The following TBCK variants were observed in gnomAD, a reference collection of about 807,000 sequenced individuals.
TBCK encodes TBC domain-containing protein kinase-like protein.
TBCK carries 99 observed loss-of-function variants against 113.4 expected under a neutral mutation model. That is an observed-to-expected ratio of 0.87 (90% CI 0.74 to 1.03). TBCK has a LOEUF of 1.03. Among genes scored for constraint, TBCK ranks in the 50% least tolerant of loss-of-function variants. TBCK has a pLI of 0.00. For missense variants in TBCK, 1,045 were observed against 1,061.3 expected (o/e 0.98, Z 0.21); for synonymous variants, 369 against 370.8 (o/e 1.00, Z 0.05).
At chr4:106,229,383 A>C (rs1214962422) in intron 19 of TBCK, among the ~76,000 whole-genome samples, 1 of 152,106 alleles carries the variant, frequency 6.6e-6, no homozygotes, top group Admixed American at 6.6e-5. Context: ...TTGAGGTCTT[A>C]GATTTAAGAC....
In TBCK at chr4:106,124,479, G is replaced by A. The variant is rs575238566; in HGVS notation, c.2236-8101C>T. On this transcript the variant is annotated intron_variant, in intron 23 of 25. Coordinates refer to ENST00000394708, the MANE Select transcript of TBCK (RefSeq NM_001163435.3). ...GGATCTAGAACTAGAAATACCATTT[G>A]ACCCAGCCATCCCATTACTGGGTAT... 2.6e-4 allele frequency among the ~76,000 whole-genome samples: 39 copies of A among 152,248 alleles called. No homozygotes were observed. In the South Asian group the frequency reaches 7.9e-3, roughly 31 times the overall value.
chr4:106,274,448 T>C (rs943436069), intron 3 of TBCK, among the ~76,000 whole-genome samples: 4 of 152,002 alleles, frequency 2.6e-5, no homozygotes, highest in African/African-American at 9.7e-5. Context: ...AACCCATAAA[T>C]GAATAAACAA....
chr4:106,231,527 G>A (rs1456675531), intron 18 of TBCK, among the ~76,000 whole-genome samples: 1 of 151,632 alleles, frequency 6.6e-6, no homozygotes, highest in Non-Finnish European at 1.5e-5. Flanking sequence ...TAAATTTCTA[G>A]TAATAGCTTT....
At chr4:106,270,606 G>A (rs1203517402) in intron 3 of TBCK, among the ~76,000 whole-genome samples, 3 of 152,086 alleles carry the variant, frequency 2.0e-5, no homozygotes, top group Non-Finnish European at 2.9e-5. Flanking sequence ...GTGAAAAAAA[G>A]AGAAACAAAT....
At chr4:106,215,018 C>T (rs967387911) in intron 19 of TBCK, among the ~76,000 whole-genome samples, 103 of 150,714 alleles carry the variant, frequency 6.8e-4, no homozygotes, top group African/African-American at 2.0e-3. Context: ...GCGGATCTCT[C>T]GGCAGAAACC....
chr4:106,146,187 A>C (rs951365998), intron 23 of TBCK, among the ~76,000 whole-genome samples: 1 of 152,116 alleles, frequency 6.6e-6, no homozygotes, highest in African/African-American at 2.4e-5. Flanking sequence ...AATGTGGTAC[A>C]TATACATATA....
At chr4:106,290,330 A>G (rs1419554030) in intron 3 of TBCK, among the ~76,000 whole-genome samples, 1 of 151,998 alleles carries the variant, frequency 6.6e-6, no homozygotes, top group Non-Finnish European at 1.5e-5. Flanking sequence ...GGCGCCTGCC[A>G]CCACGCCTGG....
chr4:106,241,221 A>T (rs953029273), intron 12 of TBCK, among the ~76,000 whole-genome samples: 1 of 151,950 alleles, frequency 6.6e-6, no homozygotes, highest in African/African-American at 2.4e-5. Context: ...TGATATACAG[A>T]CATTAAAAAT....
chr4:106,294,767 C>T (rs1164576037), intron 3 of TBCK, among the ~76,000 whole-genome samples: 3 of 152,014 alleles, frequency 2.0e-5, no homozygotes, highest in African/African-American at 7.2e-5. Context: ...AGGCGTGAGC[C>T]ACCACGCCTG....
At chr4:106,066,887 A>G (rs1033109839) in intron 25 of TBCK, among the ~76,000 whole-genome samples, 3 of 151,948 alleles carry the variant, frequency 2.0e-5, no homozygotes, top group African/African-American at 7.3e-5. Flanking sequence ...ATTACACTGT[A>G]TATACTACCT....
chr4:106,218,915 G>A (rs1279062674), intron 19 of TBCK, among the ~76,000 whole-genome samples: 1 of 151,352 alleles, frequency 6.6e-6, no homozygotes, highest in African/African-American at 2.4e-5. Flanking sequence ...AAAGACACAT[G>A]CACACATATG....
chr4:106,259,855 T>C (rs1370697424), intron 5 of TBCK, among the ~76,000 whole-genome samples: 1 of 151,926 alleles, frequency 6.6e-6, no homozygotes, highest in Non-Finnish European at 1.5e-5. Flanking sequence ...TACTTGAATA[T>C]GCATGAAACA....
intron 22 of TBCK, among the ~76,000 whole-genome samples, chr4:106,175,034 C>T (rs770942368): frequency 3.3e-5 from 5 of 150,922 alleles, no homozygotes; most frequent in African/African-American, 4.9e-5. Flanking sequence ...GGCTGAGACA[C>T]GAGAATTGCT....
At chr4:106,134,076 G>A (rs1746283559) in intron 23 of TBCK, among the ~76,000 whole-genome samples, 1 of 151,908 alleles carries the variant, frequency 6.6e-6, no homozygotes, top group Non-Finnish European at 1.5e-5. Flanking sequence ...GGTAAGGCAG[G>A]TAACATCTTT....
chr4:106,084,226 T>C (rs961515220), intron 25 of TBCK, among the ~76,000 whole-genome samples: 2 of 152,008 alleles, frequency 1.3e-5, no homozygotes, highest in Admixed American at 6.6e-5. Flanking sequence ...GAATAACTAG[T>C]GTAGAGAGGA....
In TBCK at chr4:106,089,992, C is replaced by T. The variant is rs545168852; in HGVS notation, c.2571+5490G>A. 1.3e-4 allele frequency among the ~76,000 whole-genome samples: 20 copies of T among 152,332 alleles called. No individual in the cohort carries two copies. In the South Asian group the frequency reaches 4.1e-3, roughly 32 times the overall value. The stretch of plus-strand genomic sequence containing the variant: ...GGGTGGCATCCCACTTCCCAAAGCT[C>T]CACTAGCCGGTTCCCTGGTGGGGAC... On this transcript the variant is annotated intron_variant, in intron 25 of 25. Coordinates refer to ENST00000394708, the MANE Select transcript of TBCK (RefSeq NM_001163435.3).
intron 22 of TBCK, among the ~76,000 whole-genome samples, chr4:106,189,342 C>CAAAAAAAA (rs1189938399): frequency 1.2e-4 from 7 of 59,462 alleles, no homozygotes; most frequent in Admixed American, 4.0e-4. Context: ...GACTCCATCT[C>CAAAAAAAA]AAAAAAAAAA....
At chr4:106,288,194 G>A (rs1331682247) in intron 3 of TBCK, among the ~76,000 whole-genome samples, 4 of 151,612 alleles carry the variant, frequency 2.6e-5, no homozygotes, top group African/African-American at 9.7e-5. Context: ...AGGAGTTCGC[G>A]ACCAGCCTGG....
intron 25 of TBCK, among the ~76,000 whole-genome samples, chr4:106,078,659 A>G: frequency 6.6e-6 from 1 of 152,118 alleles, no homozygotes; most frequent in Non-Finnish European, 1.5e-5. Context: ...CCAACCAAAA[A>G]AAGCCCTGAA....
Sources: allele counts gnomAD v4.1 joint callset (sites outside exome capture counted in the v4.1 genomes callset), GRCh38; gene constraint gnomAD v4.1.1; transcripts MANE v1.5; gene names NCBI Gene and HGNC (gene_info 2026-07-23, HGNC 2026-07-21).